ME2: variants seen among roughly 807,000 people sequenced by gnomAD.
ME2 encodes malic enzyme 2.
Under a neutral mutation model 73.7 loss-of-function variants are expected in ME2, and 60 were observed. That is an observed-to-expected ratio of 0.81 (90% CI 0.66 to 1.01). The LOEUF (loss-of-function observed/expected upper bound fraction) is 1.01. Among genes scored for constraint, ME2 ranks in the 50% least tolerant of loss-of-function variants. The pLI, the probability that ME2 is intolerant of heterozygous loss-of-function variation, is 0.00. For missense variants in ME2, 594 were observed against 705.5 expected, an observed-to-expected ratio of 0.84 and a Z score of 1.79; for synonymous variants, 199 against 236.9, an observed-to-expected ratio of 0.84 and a Z score of 1.47.
chr18:50,937,252 G>A (rs1917839453), intron 13 of ME2, among the ~76,000 whole-genome samples: 1 of 152,040 alleles, frequency 6.6e-6, no homozygotes, highest in Non-Finnish European at 1.5e-5. Flanking sequence ...TTAACCATGT[G>A]ATCTTCTCAG....
rs1917405136 is a variant in ME2 at position 50,920,692 on chromosome 18, T to C, written c.876T>C (p.Leu292=). The part of the protein sequence containing the change: ...GTAAVALAGL[L]AAQKVISKPI... ...CTGCAGTAGCTCTAGCAGGTCTTCT[T>C]GCAGCACAAAAAGTTATTAGTAAAC... is the stretch of plus-strand genomic sequence containing the variant. The change falls in exon 9 of 16, where the codon CTT becomes CTC. Residue 292 remains leucine, a synonymous_variant. Transcript: ENST00000321341. The C allele has an allele frequency of 6.2e-7, 1 of 1,612,478 alleles. No homozygotes were observed.
At chr18:50,922,956 A>G (rs1364872050) in intron 10 of ME2, among the ~76,000 whole-genome samples, 1 of 152,216 alleles carries the variant, frequency 6.6e-6, no homozygotes, top group African/African-American at 2.4e-5. Context: ...TTTTACCAAA[A>G]TAAGAATATG....
rs1918126198 is a variant in ME2, at chr18:50,947,913, T to C, written c.*729T>C. The C allele has an allele frequency of 6.6e-6, 1 of 152,208 alleles. No homozygotes were observed. Among genetic ancestry groups the C allele is most frequent in the South Asian group, 2.1e-4 (1 of 4,830 alleles). The allele number at this position is 152,208 out of a possible 1,614,324, so 9.4% of individuals were successfully genotyped here. On this transcript the variant is annotated 3_prime_UTR_variant, in exon 16 of 16. Coordinates refer to ENST00000321341, the MANE Select transcript of ME2 (RefSeq NM_002396.5). ...TAATTGCTTCAGTTATGCTATCTTA[T>C]TGCCCAACTAGAAATTTAGATTTGC... is the stretch of plus-strand genomic sequence containing the variant.
At chr18:50,893,151 A>AAAAAAAAAAAAAAAAAAAAAAAAC (rs1916649164) in intron 1 of ME2, among the ~76,000 whole-genome samples, 1 of 143,284 alleles carries the variant, frequency 7.0e-6, no homozygotes, top group Non-Finnish European at 1.5e-5. Flanking sequence ...AAAAAAAAAA[A>AAAAAAAAAAAAAAAAAAAAAAAAC]ACACCTTTAA....
chr18:50,937,948 G>T (rs1444988792), intron 13 of ME2, among the ~76,000 whole-genome samples: 1 of 152,236 alleles, frequency 6.6e-6, no homozygotes, highest in Non-Finnish European at 1.5e-5. Flanking sequence ...GATAGGAAGC[G>T]CCTACTCACT....
At chr18:50,923,534 G>A (rs1002745288) in intron 10 of ME2, among the ~76,000 whole-genome samples, 12 of 151,940 alleles carry the variant, frequency 7.9e-5, no homozygotes, top group African/African-American at 1.9e-4. Flanking sequence ...TGAGGTGGAC[G>A]GATCACTTGA....
At chr18:50,895,757 A>C in intron 1 of ME2, 52 bp from the exon 2 acceptor site, 49 of 1,051,222 alleles carry the variant, frequency 4.7e-5, no homozygotes, top group Non-Finnish European at 6.6e-5. Flanking sequence ...GATGGACATG[A>C]AGGCCTATAA....
chr18:50,940,044 A>G (rs1343167954), intron 14 of ME2: 2 of 476,720 alleles, frequency 4.2e-6, no homozygotes, highest in Non-Finnish European at 7.3e-6. Flanking sequence ...AGCCATTGCA[A>G]TTAAGCCAAG....
At chr18:50,910,440 G>GAAA (rs1207940247) in intron 3 of ME2, among the ~76,000 whole-genome samples, 3 of 80,366 alleles carry the variant, frequency 3.7e-5, no homozygotes, top group African/African-American at 8.7e-5. Flanking sequence ...CCCTGTCTCA[G>GAAA]AAAAAAAAAA....
At chr18:50,918,855 C>T (rs1917353516) in intron 7 of ME2, among the ~76,000 whole-genome samples, 1 of 152,164 alleles carries the variant, frequency 6.6e-6, no homozygotes, top group Admixed American at 6.5e-5. Flanking sequence ...TTCCACTGCT[C>T]TTGTGAGGCC....
intron 13 of ME2, chr18:50,935,665 T>A (rs1917800067): frequency 6.9e-6 from 1 of 144,882 alleles, no homozygotes; most frequent in Non-Finnish European, 1.5e-5. Context: ...GATGGGAAGA[T>A]CACTCGAGCT....
rs756842989 is a variant in ME2 at position 50,932,351 on chromosome 18, A to G, written c.1408A>G (p.Ile470Val). 5.6e-6 allele frequency: 9 copies of G among 1,611,244 alleles called. No individual in the cohort carries two copies. Among genetic ancestry groups the G allele is most frequent in the Non-Finnish European group, 7.6e-6 (9 of 1,177,982 alleles). ...FTPGQGNNVY[I>V]FPGVALAVIL... is the part of the protein sequence containing the mutation. ...ACCAGGTCAAGGAAACAATGTTTAT[A>G]TTTTTCCAGGTAAATGCCACCATTA... is the stretch of plus-strand genomic sequence containing the variant. Residue 470 changes from isoleucine (I) to valine (V), a missense_variant, in exon 13 of 16, where the codon ATT (isoleucine) becomes GTT (valine). Transcript: ENST00000321341.
intron 12 of ME2, among the ~76,000 whole-genome samples, chr18:50,929,559 C>T (rs1917644735): frequency 6.6e-6 from 1 of 151,388 alleles, no homozygotes; most frequent in Admixed American, 6.6e-5. Context: ...TCCTTTTTGA[C>T]CTTTTTGACC....
chr18:50,895,105 A>G (rs1243808206), intron 1 of ME2, among the ~76,000 whole-genome samples: 1 of 152,096 alleles, frequency 6.6e-6, no homozygotes, highest in Non-Finnish European at 1.5e-5. Flanking sequence ...AAGCATTTCA[A>G]ATTCTGATTT....
At chr18:50,925,641 T>C (rs1307517961) in intron 11 of ME2, 115 bp from the exon 12 acceptor site, 1 of 798,028 alleles carries the variant, frequency 1.3e-6, no homozygotes, top group African/African-American at 1.7e-5. Flanking sequence ...GCTATCTTTG[T>C]AATGAGATAT....
chr18:50,942,161 C>G (rs940880990), intron 15 of ME2, among the ~76,000 whole-genome samples: 6 of 151,994 alleles, frequency 3.9e-5, no homozygotes, highest in African/African-American at 1.5e-4. Flanking sequence ...TTTTTAATCT[C>G]TCTGGGATTT....
intron 1 of ME2, among the ~76,000 whole-genome samples, chr18:50,879,902 G>A (rs1916271673): frequency 6.6e-6 from 1 of 152,222 alleles, no homozygotes; most frequent in Admixed American, 6.5e-5. Flanking sequence ...TCTGCATGTG[G>A]TGTTACCTAG....
chr18:50,925,414 G>A (rs916472366), intron 11 of ME2, among the ~76,000 whole-genome samples: 1 of 152,202 alleles, frequency 6.6e-6, no homozygotes, highest in Admixed American at 6.5e-5. Context: ...AGGAGGGAGA[G>A]GTTGCAGTGA....
chr18:50,921,005 C>G, intron 9 of ME2, 69 bp from the exon 10 acceptor site: 1 of 786,004 alleles, frequency 1.3e-6, no homozygotes, highest in Non-Finnish European at 2.0e-6. Flanking sequence ...ATATAATCTT[C>G]ATATATAAAG....
Sources: gnomAD v4.1 joint callset for allele counts (sites outside exome capture counted in the v4.1 genomes callset) on GRCh38, gnomAD v4.1.1 for gene constraint, MANE v1.5 for transcripts, NCBI Gene and HGNC (gene_info 2026-07-23, HGNC 2026-07-21) for gene names.